The following TENM3 variants were observed in gnomAD, a reference collection of about 807,000 sequenced individuals.
TENM3 encodes teneurin transmembrane protein 3.
In TENM3, 63 loss-of-function variants were observed where a neutral mutation model predicts 255.1. That is an observed-to-expected ratio of 0.25 (90% confidence interval 0.20 to 0.30). The LOEUF (loss-of-function observed/expected upper bound fraction) is 0.30. TENM3 is among the 10% of genes least tolerant of loss of function. The pLI, the probability that TENM3 is intolerant of heterozygous loss-of-function variation, is 1.00. For missense variants in TENM3, 2,929 were observed against 3,461.1 expected (o/e 0.85, Z 3.86); for synonymous variants, 1,306 against 1,322.3 (o/e 0.99, Z 0.27).
chr4:181,666,558 T>C, the TENM3 span, among the ~76,000 whole-genome samples: 12 of 152,276 alleles, frequency 7.9e-5, no homozygotes, highest in African/African-American at 2.9e-4. Flanking sequence ...ACTCTATAAC[T>C]AGAAATTCTC....
the TENM3 span, among the ~76,000 whole-genome samples, chr4:181,731,527 A>T: frequency 6.6e-6 from 1 of 151,950 alleles, no homozygotes; most frequent in African/African-American, 2.4e-5. Flanking sequence ...AGTTTTTTAT[A>T]TTTTTTGTAG....
At position 182,621,380 on chromosome 4, in the gene TENM3, C is replaced by T. The variant is rs554429386; in HGVS notation, c.750-7271C>T. ...AAGGCCCCAGTCTGATATACACAAT[C>T]GGATTGAAATCTCAAAAGTACCTCT... is the stretch of plus-strand genomic sequence containing the variant. On this transcript the variant is annotated intron_variant, in intron 4 of 27. Coordinates refer to ENST00000511685, the MANE Select transcript of TENM3 (RefSeq NM_001080477.4). 1.4e-3 allele frequency among the ~76,000 whole-genome samples: 219 copies of T among 151,460 alleles called. 1 individual carries two copies. Among genetic ancestry groups the T allele is most frequent in the Non-Finnish European group, 2.6e-3 (175 of 67,938 alleles).
intron 3 of TENM3, among the ~76,000 whole-genome samples, chr4:182,531,053 A>T (rs1739729460): frequency 7.7e-6 from 1 of 129,728 alleles, no homozygotes; most frequent in African/African-American, 2.9e-5. Context: ...AGGAGAAAAG[A>T]GTGGTCTCGA....
At chr4:182,141,044 C>T (rs1001680610), upstream of TENM3, 21 of 143,232 alleles carry the variant, frequency 1.5e-4, no homozygotes, top group African/African-American at 4.9e-4. Flanking sequence ...GGCATGCATT[C>T]CTAGGACTAG....
intron 1 of TENM3, among the ~76,000 whole-genome samples, chr4:182,238,116 G>T (rs1204934531): frequency 6.6e-6 from 1 of 152,118 alleles, no homozygotes; most frequent in East Asian, 1.9e-4. Context: ...TGAATGTCAG[G>T]GTGAAGAAAC....
At chr4:181,898,975 T>G in the TENM3 span, among the ~76,000 whole-genome samples, 1 of 152,140 alleles carries the variant, frequency 6.6e-6, no homozygotes, top group African/African-American at 2.4e-5. Flanking sequence ...TATTTAACTT[T>G]TATTATTTAA....
At chr4:182,777,855 TTATATA>T (rs112092768) in intron 24 of TENM3, among the ~76,000 whole-genome samples, 1 of 144,904 alleles carries the variant, frequency 6.9e-6, no homozygotes. Context: ...ATATATGCTG[TTATATA>T]TATATATATA....
chr4:182,302,880 A>G (rs2150376849), intron 1 of TENM3, among the ~76,000 whole-genome samples: 1 of 152,300 alleles, frequency 6.6e-6, no homozygotes, highest in South Asian at 2.1e-4. Context: ...ATTGAGACTC[A>G]TCACTTTGAC....
chr4:181,702,831 CAT>C, the TENM3 span, among the ~76,000 whole-genome samples: 12 of 152,076 alleles, frequency 7.9e-5, no homozygotes, highest in Non-Finnish European at 1.5e-4. Context: ...TAATTTTTAT[CAT>C]ATTTAATTTT....
intron 5 of TENM3, among the ~76,000 whole-genome samples, chr4:182,647,209 ATAG>A (rs1227465275): frequency 6.6e-6 from 1 of 152,230 alleles, no homozygotes; most frequent in Non-Finnish European, 1.5e-5. Flanking sequence ...ACAAGTTATA[ATAG>A]TTTTTGTTTT....
intron 18 of TENM3, among the ~76,000 whole-genome samples, chr4:182,740,922 AT>A (rs2152731318): frequency 6.6e-6 from 1 of 152,302 alleles, no homozygotes; most frequent in East Asian, 1.9e-4. Context: ...CACACCTGTA[AT>A]CCCAGCACTT....
the TENM3 span, among the ~76,000 whole-genome samples, chr4:181,654,378 C>G: frequency 6.6e-6 from 1 of 151,958 alleles, no homozygotes; most frequent in Non-Finnish European, 1.5e-5. Flanking sequence ...AAGAATATTC[C>G]AGGATGTGAA....
At chr4:181,681,259 A>C in the TENM3 span, among the ~76,000 whole-genome samples, 3 of 145,398 alleles carry the variant, frequency 2.1e-5, no homozygotes, top group Non-Finnish European at 4.6e-5. Context: ...TAATTGAAAT[A>C]AATGAAAAGA....
Position 182,161,802 on chromosome 4 carries a change from TACACA to T in TENM3, c.-76+17049_-76+17053del, listed in dbSNP as rs1561153509. 2.4e-3 allele frequency among the ~76,000 whole-genome samples: 112 copies of T among 45,984 alleles called. 22 individuals carry two copies. Among genetic ancestry groups the T allele is most frequent in the African/African-American group, 7.4e-3 (72 of 9,748 alleles). The allele number at this position is 45,984 out of a possible 152,430, so 30.2% of individuals were successfully genotyped here. ...ATATACACAAATATATGTATATATATACACATATATATGTATATATATACACATAT... is the reference window on the plus strand; with the variant it reads ...ATATACACAAATATATGTATATATATTATATATGTATATATATACACATAT... On this transcript the variant is annotated intron_variant, in intron 1 of 2. Transcript: ENST00000512480.
chr4:181,955,151 C>T, the TENM3 span, among the ~76,000 whole-genome samples: 3 of 152,182 alleles, frequency 2.0e-5, no homozygotes, highest in African/African-American at 4.8e-5. Flanking sequence ...GTAGGTTAAA[C>T]TCACGAAGCT....
the TENM3 span, among the ~76,000 whole-genome samples, chr4:182,111,076 T>C: frequency 6.6e-6 from 1 of 151,600 alleles, no homozygotes; most frequent in African/African-American, 2.4e-5. Flanking sequence ...CAACTAACAA[T>C]GGAAAACAAA....
the TENM3 span, among the ~76,000 whole-genome samples, chr4:181,942,052 C>T: frequency 5.5e-3 from 845 of 152,302 alleles, 4 homozygotes; most frequent in African/African-American, 0.019. Context: ...CGGTGACCTG[C>T]TTTCGGCCGT....
chr4:181,811,944 G>C, the TENM3 span, among the ~76,000 whole-genome samples: 1 of 152,218 alleles, frequency 6.6e-6, no homozygotes, highest in Non-Finnish European at 1.5e-5. Flanking sequence ...ACTAGATTGA[G>C]TGTGATTAAA....
chr4:182,674,200 G>A (rs1755472907), intron 7 of TENM3, among the ~76,000 whole-genome samples: 1 of 152,088 alleles, frequency 6.6e-6, no homozygotes, highest in Non-Finnish European at 1.5e-5. Flanking sequence ...ATAAGGGCTG[G>A]AGAGTTTTCA....
Sources: allele counts gnomAD v4.1 joint callset (sites outside exome capture counted in the v4.1 genomes callset), GRCh38; gene constraint gnomAD v4.1.1; transcripts MANE v1.5; gene names NCBI Gene and HGNC (gene_info 2026-07-23, HGNC 2026-07-21).